The following CNTN5 variants were observed in gnomAD, a reference collection of about 807,000 sequenced individuals.
CNTN5 encodes the protein contactin-5.
Under a neutral mutation model 129.1 loss-of-function variants are expected in CNTN5, and 77 were observed. The ratio of observed to expected loss-of-function variants is 0.60; its 90% confidence interval spans 0.50 to 0.72. The LOEUF (loss-of-function observed/expected upper bound fraction) is 0.72, where lower values mean the gene tolerates loss of function less well. CNTN5 is among the 30% of genes least tolerant of loss of function. The probability of loss-of-function intolerance (pLI) is 0.00; values close to 1 mark genes in which losing one functional copy is unlikely to be tolerated. For synonymous variants in CNTN5, 509 were observed against 465.6 expected (o/e 1.09, Z -1.20); for missense variants, 1,478 against 1,328.8 (o/e 1.11, Z -1.75).
intron 9 of CNTN5, among the ~76,000 whole-genome samples, chr11:100,017,032 G>T (rs1427855735): frequency 6.6e-6 from 1 of 151,860 alleles, no homozygotes; most frequent in African/African-American, 2.4e-5. Context: ...TGGTACCAAA[G>T]CTAAATGATA....
At chr11:99,969,460 A>G (rs1487094894) in intron 8 of CNTN5, among the ~76,000 whole-genome samples, 1 of 152,110 alleles carries the variant, frequency 6.6e-6, no homozygotes, top group Non-Finnish European at 1.5e-5. Flanking sequence ...ACTTTTTTTA[A>G]TATTCAGATT....
intron 2 of CNTN5, among the ~76,000 whole-genome samples, chr11:99,348,954 G>C (rs1007469643): frequency 5.3e-5 from 8 of 152,176 alleles, no homozygotes; most frequent in Non-Finnish European, 1.2e-4. Context: ...GTTCAGTATA[G>C]CCAAATAATG....
At chr11:99,182,073 G>T (rs1048024358) in intron 1 of CNTN5, among the ~76,000 whole-genome samples, 5 of 152,228 alleles carry the variant, frequency 3.3e-5, no homozygotes, top group African/African-American at 1.2e-4. Context: ...TGCAGTTATG[G>T]TGGGAATTTT....
At chr11:99,570,531 G>A (rs1949143649) in intron 3 of CNTN5, among the ~76,000 whole-genome samples, 1 of 152,042 alleles carries the variant, frequency 6.6e-6, no homozygotes, top group Admixed American at 6.5e-5. Flanking sequence ...ATTATTTCAG[G>A]TACCAGTTAC....
At chr11:99,211,058 ATCACT>A (rs934636129) in intron 1 of CNTN5, among the ~76,000 whole-genome samples, 5 of 152,186 alleles carry the variant, frequency 3.3e-5, no homozygotes, top group African/African-American at 1.2e-4. Context: ...TTGAGACAAC[ATCACT>A]GTCACCTAAA....
intron 1 of CNTN5, among the ~76,000 whole-genome samples, chr11:99,240,865 A>G (rs1011838650): frequency 3.3e-5 from 5 of 152,160 alleles, no homozygotes; most frequent in African/African-American, 9.7e-5. Context: ...GCCCCGTAAA[A>G]CCAAACACAC....
At chr11:99,051,098 G>T (rs1864409703) in intron 1 of CNTN5, among the ~76,000 whole-genome samples, 1 of 151,868 alleles carries the variant, frequency 6.6e-6, no homozygotes, top group Non-Finnish European at 1.5e-5. Context: ...GGAAGTAAAA[G>T]AATCCCTATA....
intron 6 of CNTN5, among the ~76,000 whole-genome samples, chr11:99,877,481 G>A (rs1948663553): frequency 6.6e-6 from 1 of 152,112 alleles, no homozygotes; most frequent in South Asian, 2.1e-4. Context: ...CTAAGTGACA[G>A]AGATAAGTCT....
chr11:99,262,141 G>A (rs960992811), intron 1 of CNTN5, among the ~76,000 whole-genome samples: 2 of 151,932 alleles, frequency 1.3e-5, no homozygotes, highest in African/African-American at 4.8e-5. Context: ...GAAAGCCATG[G>A]CCTTTGGAGA....
intron 13 of CNTN5, among the ~76,000 whole-genome samples, chr11:100,106,205 T>C (rs1945426576): frequency 6.6e-6 from 1 of 152,152 alleles, no homozygotes; most frequent in Non-Finnish European, 1.5e-5. Context: ...ACACCTGGAA[T>C]GGCAGCTGTC....
chr11:99,124,776 AG>A (rs1348378682), intron 1 of CNTN5, among the ~76,000 whole-genome samples: 1 of 152,068 alleles, frequency 6.6e-6, no homozygotes, highest in Non-Finnish European at 1.5e-5. Flanking sequence ...GAAATGACAA[AG>A]GGGATATTAC....
intron 16 of CNTN5, among the ~76,000 whole-genome samples, chr11:100,235,944 G>A (rs957935983): frequency 2.6e-5 from 4 of 152,054 alleles, no homozygotes; most frequent in Non-Finnish European, 5.9e-5. Context: ...GCCTACGAAT[G>A]AAATGAGTAC....
intron 21 of CNTN5, among the ~76,000 whole-genome samples, chr11:100,313,697 C>T (rs1758513388): frequency 6.6e-6 from 1 of 151,856 alleles, no homozygotes; most frequent in African/African-American, 2.4e-5. Flanking sequence ...GACAAAATTT[C>T]AAGAGAAGAG....
chr11:99,504,681 T>C (rs1181146334), intron 2 of CNTN5, among the ~76,000 whole-genome samples: 1 of 152,198 alleles, frequency 6.6e-6, no homozygotes, highest in East Asian at 1.9e-4. Flanking sequence ...AAGCAGGAAG[T>C]TACTGTAACA....
chr11:99,619,383 T>C (rs1423813033), intron 3 of CNTN5, among the ~76,000 whole-genome samples: 1 of 152,016 alleles, frequency 6.6e-6, no homozygotes, highest in Non-Finnish European at 1.5e-5. Flanking sequence ...TTCTGTCTGG[T>C]TTTTCGTTAT....
At chr11:100,093,581 T>G (rs775291169) in intron 13 of CNTN5, among the ~76,000 whole-genome samples, 1 of 152,218 alleles carries the variant, frequency 6.6e-6, no homozygotes, top group Non-Finnish European at 1.5e-5. Context: ...TTGCAAGTTT[T>G]CAGGTGCACA....
rs146981907 is a variant in CNTN5, at chr11:99,512,750, G to A, written c.-70-43395G>A. ...GGTGCCACAAACAGATCCCATATAA[G>A]AGGGTGAACATAACTGATGTGTTCT... On this transcript the variant is annotated intron_variant, in intron 2 of 24. Coordinates refer to ENST00000524871, the MANE Select transcript of CNTN5 (RefSeq NM_014361.4). 3.9e-5 allele frequency among the ~76,000 whole-genome samples: 6 copies of A among 152,146 alleles called. No homozygotes were observed. The East Asian group carries it at 9.7e-4, about 25-fold the overall frequency.
intron 2 of CNTN5, among the ~76,000 whole-genome samples, chr11:99,390,729 C>T (rs1008181571): frequency 1.3e-5 from 2 of 152,056 alleles, no homozygotes; most frequent in Admixed American, 6.6e-5. Flanking sequence ...ACATTCCTGG[C>T]TACATTTTCA....
chr11:99,445,481 T>C (rs1944025603), intron 2 of CNTN5, among the ~76,000 whole-genome samples: 1 of 152,238 alleles, frequency 6.6e-6, no homozygotes, highest in African/African-American at 2.4e-5. Context: ...TTGTGTATCA[T>C]ATTGTTTGTA....
Sources: allele counts gnomAD v4.1 joint callset (sites outside exome capture counted in the v4.1 genomes callset), GRCh38; gene constraint gnomAD v4.1.1; transcripts MANE v1.5; gene names NCBI Gene and HGNC (gene_info 2026-07-23, HGNC 2026-07-21).